The following ADARB2 variants were observed in gnomAD, a reference collection of about 807,000 sequenced individuals.
The protein encoded by ADARB2 is inactive double-stranded RNA-specific editase B2.
Under a neutral mutation model 62.2 loss-of-function variants are expected in ADARB2, and 25 were observed. That is an observed-to-expected ratio of 0.40 (90% CI 0.29 to 0.56). The LOEUF (loss-of-function observed/expected upper bound fraction) is 0.56, where lower values mean the gene tolerates loss of function less well. Among genes scored for constraint, ADARB2 ranks in the 20% least tolerant of loss-of-function variants. The probability of loss-of-function intolerance (pLI) is 0.43; values close to 1 mark genes in which losing one functional copy is unlikely to be tolerated. For synonymous variants in ADARB2, 572 were observed against 500.8 expected, an observed-to-expected ratio of 1.14 and a Z score of -1.90; for missense variants, 1,071 against 1,077.4, an observed-to-expected ratio of 0.99 and a Z score of 0.08.
chr10:1,614,336 TA>T (rs1243344621), intron 1 of ADARB2, among the ~76,000 whole-genome samples: 1 of 152,260 alleles, frequency 6.6e-6, no homozygotes, highest in African/African-American at 2.4e-5. Flanking sequence ...TTGGAACTTT[TA>T]AACTAGGCAA....
intron 3 of ADARB2, among the ~76,000 whole-genome samples, chr10:1,303,609 T>G (rs1252755640): frequency 6.6e-6 from 1 of 151,136 alleles, no homozygotes; most frequent in African/African-American, 2.4e-5. Context: ...AAGGAAAAAA[T>G]GTTAAGGGCA....
At chr10:1,521,915 A>G (rs1349218556) in intron 1 of ADARB2, among the ~76,000 whole-genome samples, 2 of 151,928 alleles carry the variant, frequency 1.3e-5, no homozygotes, top group African/African-American at 2.4e-5. Flanking sequence ...CGCCCCGACC[A>G]CCTTGGACAC....
chr10:1,341,146 C>T (rs528591891), intron 3 of ADARB2, among the ~76,000 whole-genome samples: 49 of 151,164 alleles, frequency 3.2e-4, no homozygotes, highest in Admixed American at 1.2e-3. Context: ...TGCCCCAAAG[C>T]AGTGATAACC....
chr10:1,694,252 T>G (rs1053648553), intron 1 of ADARB2, among the ~76,000 whole-genome samples: 1 of 152,264 alleles, frequency 6.6e-6, no homozygotes, highest in African/African-American at 2.4e-5. Context: ...CATCACATCT[T>G]GCTGTGAAAT....
intron 1 of ADARB2, among the ~76,000 whole-genome samples, chr10:1,441,589 C>T (rs1306475641): frequency 6.6e-6 from 1 of 152,208 alleles, no homozygotes; most frequent in Non-Finnish European, 1.5e-5. Flanking sequence ...TATTACTCTT[C>T]ACTTACACAA....
chr10:1,195,144 G>C (rs892918147), intron 8 of ADARB2, among the ~76,000 whole-genome samples: 1 of 152,116 alleles, frequency 6.6e-6, no homozygotes, highest in Non-Finnish European at 1.5e-5. Context: ...GCTTCTCAGG[G>C]ACTCTTACAG....
At chr10:1,327,994 C>A (rs994874172) in intron 3 of ADARB2, among the ~76,000 whole-genome samples, 1 of 152,284 alleles carries the variant, frequency 6.6e-6, no homozygotes, top group Non-Finnish European at 1.5e-5. Flanking sequence ...CGCCTCCCCA[C>A]AGCAAGGCGC....
intron 3 of ADARB2, among the ~76,000 whole-genome samples, chr10:1,338,435 T>C (rs964143845): frequency 6.6e-6 from 1 of 152,212 alleles, no homozygotes; most frequent in African/African-American, 2.4e-5. Context: ...ATCCCTATCA[T>C]ATAAAATTCT....
chr10:1,578,357 T>C (rs1366663986), intron 1 of ADARB2, among the ~76,000 whole-genome samples: 3 of 152,256 alleles, frequency 2.0e-5, no homozygotes, highest in Non-Finnish European at 4.4e-5. Flanking sequence ...TTCATGTTAA[T>C]TGTGACATTT....
intron 1 of ADARB2, among the ~76,000 whole-genome samples, chr10:1,647,082 C>T (rs1834052062): frequency 6.6e-6 from 1 of 152,250 alleles, no homozygotes; most frequent in Admixed American, 6.5e-5. Flanking sequence ...CAGTGTTATT[C>T]ATTACAGTGC....
intron 1 of ADARB2, among the ~76,000 whole-genome samples, chr10:1,630,820 T>C (rs746664107): frequency 6.6e-6 from 1 of 151,830 alleles, no homozygotes; most frequent in African/African-American, 2.4e-5. Flanking sequence ...CCAGGTGTGG[T>C]GGTGGGCGTC....
At chr10:1,243,825 G>C (rs1041205634) in intron 4 of ADARB2, among the ~76,000 whole-genome samples, 2 of 152,190 alleles carry the variant, frequency 1.3e-5, no homozygotes, top group Non-Finnish European at 2.9e-5. Context: ...GCTCATCCCA[G>C]CTTCTCCCAG....
chr10:1,411,940 T>C (rs539120076), intron 1 of ADARB2, among the ~76,000 whole-genome samples: 1 of 152,340 alleles, frequency 6.6e-6, no homozygotes, highest in Non-Finnish European at 1.5e-5. Flanking sequence ...AACTGCTATT[T>C]AAAACAGCCT....
At chr10:1,364,173 A>G (rs1443409849) in intron 2 of ADARB2, among the ~76,000 whole-genome samples, 1 of 152,216 alleles carries the variant, frequency 6.6e-6, no homozygotes, top group African/African-American at 2.4e-5. Context: ...CTCCTGTTTT[A>G]AGTGAGGCTG....
chr10:1,642,812 A>G (rs1284405439), intron 1 of ADARB2, among the ~76,000 whole-genome samples: 1 of 152,014 alleles, frequency 6.6e-6, no homozygotes, highest in Non-Finnish European at 1.5e-5. Flanking sequence ...TCAGACACAC[A>G]TCCACACTCA....
intron 1 of ADARB2, among the ~76,000 whole-genome samples, chr10:1,652,819 C>A (rs1220580040): frequency 6.6e-6 from 1 of 152,128 alleles, no homozygotes; most frequent in Non-Finnish European, 1.5e-5. Context: ...CCTCTTATCA[C>A]CCCCCAAGAC....
At chr10:1,294,397 T>C (rs927572968) in intron 3 of ADARB2, among the ~76,000 whole-genome samples, 2 of 152,184 alleles carry the variant, frequency 1.3e-5, no homozygotes, top group Admixed American at 6.5e-5. Flanking sequence ...ATCTTCAGTG[T>C]GAGGATGAAT....
intron 1 of ADARB2, chr10:1,556,668 C>A (rs751544156): frequency 3.7e-6 from 2 of 534,328 alleles, no homozygotes; most frequent in East Asian, 1.1e-4. Flanking sequence ...AGTACCCCGG[C>A]TGCAACCAGA....
intron 1 of ADARB2, among the ~76,000 whole-genome samples, chr10:1,488,808 A>G (rs886703012): frequency 1.3e-5 from 2 of 151,750 alleles, no homozygotes; most frequent in African/African-American, 4.9e-5. Flanking sequence ...TCGGGGGAAA[A>G]CGCTCGCATA....
Sources: allele counts gnomAD v4.1 joint callset (sites outside exome capture counted in the v4.1 genomes callset), GRCh38; gene constraint gnomAD v4.1.1; transcripts MANE v1.5; gene names NCBI Gene and HGNC (gene_info 2026-07-23, HGNC 2026-07-21).